DUSP29: variants seen among roughly 807,000 people sequenced by gnomAD.
The protein encoded by DUSP29 is atypical dual-specific protein phosphatase.
DUSP29 carries 12 observed loss-of-function variants against 13.5 expected under a neutral mutation model. The ratio of observed to expected loss-of-function variants is 0.89; its 90% CI spans 0.57 to 1.44. The LOEUF (loss-of-function observed/expected upper bound fraction) is 1.44. DUSP29 is among the 40% of genes most tolerant of loss of function. DUSP29 has a pLI of 0.00. For missense variants in DUSP29, 308 were observed against 301.1 expected (o/e 1.02, Z -0.17); for synonymous variants, 134 against 128.7 (o/e 1.04, Z -0.28).
intron 3 of DUSP29, among the ~76,000 whole-genome samples, chr10:75,041,734 A>C (rs986958104): frequency 1.3e-5 from 2 of 152,106 alleles, no homozygotes; most frequent in Non-Finnish European, 2.9e-5. Context: ...CCATCCATTC[A>C]TTCTATCCCA....
At chr10:75,048,883 C>T (rs535085595) in intron 2 of DUSP29, among the ~76,000 whole-genome samples, 6 of 152,320 alleles carry the variant, frequency 3.9e-5, no homozygotes, top group South Asian at 2.1e-4. Flanking sequence ...CTGAAACTGA[C>T]GCATGAACTG....
intron 3 of DUSP29, among the ~76,000 whole-genome samples, chr10:75,039,103 G>T (rs778444819): frequency 6.6e-5 from 10 of 152,198 alleles, no homozygotes; most frequent in Non-Finnish European, 7.4e-5. Context: ...CCCAACTTCT[G>T]TCAGAGCTCC....
intron 1 of DUSP29, among the ~76,000 whole-genome samples, chr10:75,066,798 G>T (rs946656813): frequency 6.6e-6 from 1 of 152,060 alleles, no homozygotes. Context: ...CCCCCCGAAG[G>T]CAGCTCTGTG....
chr10:75,071,592 G>A (rs1428526815), intron 1 of DUSP29, among the ~76,000 whole-genome samples: 1 of 152,214 alleles, frequency 6.6e-6, no homozygotes, highest in Non-Finnish European at 1.5e-5. Context: ...TGATGGCAGA[G>A]GACCACTGGC....
intron 1 of DUSP29, among the ~76,000 whole-genome samples, chr10:75,071,062 G>T (rs1482621819): frequency 2.0e-5 from 3 of 152,166 alleles, no homozygotes; most frequent in African/African-American, 7.2e-5. Flanking sequence ...ATGCCACCAG[G>T]CCTCTACCCC....
chr10:75,069,148 C>T (rs978666585), intron 1 of DUSP29, among the ~76,000 whole-genome samples: 3 of 152,130 alleles, frequency 2.0e-5, no homozygotes, highest in African/African-American at 7.2e-5. Context: ...GGTTTCAAAG[C>T]GCTTGGGGTT....
chr10:75,067,552 C>A (rs929931506), intron 1 of DUSP29, among the ~76,000 whole-genome samples: 1 of 152,136 alleles, frequency 6.6e-6, no homozygotes, highest in Non-Finnish European at 1.5e-5. Context: ...CCTTGACTTC[C>A]CCTCAGAAGT....
At chr10:75,057,503 C>T (rs1846986997) in intron 2 of DUSP29, among the ~76,000 whole-genome samples, 1 of 152,066 alleles carries the variant, frequency 6.6e-6, no homozygotes, top group African/African-American at 2.4e-5. Context: ...CTGCTCTGTG[C>T]CTCAGTTTCC....
At chr10:75,071,819 A>T (rs1354271927) in intron 1 of DUSP29, among the ~76,000 whole-genome samples, 1 of 152,188 alleles carries the variant, frequency 6.6e-6, no homozygotes, top group Non-Finnish European at 1.5e-5. Context: ...GCCACACCCC[A>T]ATCCTGTGCC....
At position 75,043,802 on chromosome 10, in the gene DUSP29, T is replaced by A; in HGVS notation, c.416A>T (p.Asp139Val). 6.2e-7 allele frequency: 1 copy of A among 1,612,144 alleles called. No individual in the cohort carries two copies. The highest frequency in any genetic ancestry group is 8.5e-7 in the Non-Finnish European group (1 of 1,179,774). The change falls in exon 3 of 4, where the codon GAC (aspartate) becomes GTC (valine). Residue 139 changes from aspartate to valine, a missense_variant. Asp to Val is a radical substitution (Grantham distance 152, BLOSUM62 -3). Coordinates refer to ENST00000338487, the MANE Select transcript of DUSP29 (RefSeq NM_001003892.3). ...AAFIDRALSD[D>V]HSKILVHCVM... is the part of the protein sequence containing the mutation. ...CGGGGCCGCGGGTCTCTTACTGTGG[T>A]CGTCGCTTAGCGCTCTGTCGATGAA...
rs375934682 is a variant in DUSP29 at position 75,073,629 on chromosome 10, G to T, written c.-95C>A. 6.6e-6 allele frequency among the ~76,000 whole-genome samples: 1 copy of T among 152,186 alleles called. No homozygotes were observed. Among genetic ancestry groups the T allele is most frequent in the African/African-American group, 2.4e-5 (1 of 41,454 alleles). On this transcript the variant is annotated 5_prime_UTR_variant, in exon 1 of 4. Coordinates refer to ENST00000338487, the MANE Select transcript of DUSP29 (RefSeq NM_001003892.3). ...CTGGTCCGTGGGGCATGTAGCAGCC[G>T]CACGCCCAGCCACCCCCACTGGCAA... is the stretch of plus-strand genomic sequence containing the variant.
At chr10:75,070,232 T>C (rs72803490) in intron 1 of DUSP29, among the ~76,000 whole-genome samples, 17,878 of 151,914 alleles carry the variant, frequency 0.12, 2,040 homozygotes, top group African/African-American at 0.3. Flanking sequence ...CACACCAAGC[T>C]AGTAAAGGGT....
intron 2 of DUSP29, among the ~76,000 whole-genome samples, chr10:75,056,233 A>T (rs1428849199): frequency 6.6e-6 from 1 of 151,984 alleles, no homozygotes; most frequent in African/African-American, 2.4e-5. Flanking sequence ...TTAATTGCTT[A>T]AAAAATATAT....
chr10:75,044,262 G>A (rs1378998390), intron 2 of DUSP29, among the ~76,000 whole-genome samples: 1 of 152,090 alleles, frequency 6.6e-6, no homozygotes, highest in African/African-American at 2.4e-5. Context: ...TGAGCTATTC[G>A]TTCGTCCATT....
chr10:75,058,339 C>G lies in DUSP29; in HGVS notation c.176G>C (p.Trp59Ser). The part of the protein sequence containing the change: ...SPQYTHVNEV[W>S]PKLYIGDEAT... ...CTCATCGCCAATGTAGAGCTTGGGC[C>G]AGACCTCGTTGACGTGGGTGTACTG... The change falls in exon 2 of 4, where the codon TGG becomes TCG. Residue 59 changes from tryptophan to serine, a missense_variant. Physicochemically the swap from Trp to Ser is radical, Grantham distance 177. Transcript: ENST00000338487. The G allele has an allele frequency of 6.2e-7, 1 of 1,614,034 alleles. No homozygotes were observed. The highest frequency in any genetic ancestry group is 1.1e-5 in the South Asian group (1 of 91,058).
chr10:75,044,193 T>C (rs866213367), intron 2 of DUSP29, among the ~76,000 whole-genome samples, 176 bp from the exon 3 acceptor site: 2 of 152,228 alleles, frequency 1.3e-5, no homozygotes, highest in Middle Eastern at 3.2e-3. Flanking sequence ...CTGCACTGTT[T>C]TGTGATTCTG....
intron 2 of DUSP29, among the ~76,000 whole-genome samples, chr10:75,048,306 A>G (rs1444995818): frequency 3.4e-5 from 5 of 148,740 alleles, no homozygotes; most frequent in Non-Finnish European, 7.4e-5. Flanking sequence ...TTGTTTACAC[A>G]TTTGTTGGAC....
rs1176492654 is a variant in DUSP29, at chr10:75,058,386, C to G, written c.129G>C (p.Arg43=). ...ACTGGGGACTGCCCTTCCAGAAGAG[C>G]CGCTCCAGCTCAAAGGCTCCAGGGG... ...YCTPGAFELE[R]LFWKGSPQYT... The change falls in exon 2 of 4, where the codon CGG becomes CGC. Residue 43 remains arginine, a synonymous_variant. Coordinates refer to ENST00000338487, the MANE Select transcript of DUSP29 (RefSeq NM_001003892.3). 1.2e-6 allele frequency: 2 copies of G among 1,614,244 alleles called. No homozygotes were observed.
At chr10:75,042,900 G>A (rs1846615512) in intron 3 of DUSP29, among the ~76,000 whole-genome samples, 1 of 152,240 alleles carries the variant, frequency 6.6e-6, no homozygotes, top group African/African-American at 2.4e-5. Context: ...TTAGGGAGCT[G>A]AAGTCCCTCT....
Sources: gnomAD v4.1 joint callset for allele counts (sites outside exome capture counted in the v4.1 genomes callset) on GRCh38, gnomAD v4.1.1 for gene constraint, MANE v1.5 for transcripts, NCBI Gene and HGNC (gene_info 2026-07-23, HGNC 2026-07-21) for gene names.